RELL1: variants seen among roughly 807,000 people sequenced by gnomAD.
RELL1 encodes the protein RELT-like protein 1.
Under a neutral mutation model 23.0 loss-of-function variants are expected in RELL1, and 10 were observed. The ratio of observed to expected loss-of-function variants is 0.43; its 90% CI spans 0.27 to 0.74. RELL1 has a LOEUF of 0.74. Ranked by LOEUF, RELL1 falls within the 30% of genes least tolerant of loss-of-function variation. RELL1 has a pLI of 0.19. For missense variants in RELL1, 315 were observed against 364.4 expected (o/e 0.86, Z 1.10); for synonymous variants, 146 against 146.8 (o/e 0.99, Z 0.04).
At chr4:37,594,258 A>T (rs1044996874) in intron 6 of RELL1, among the ~76,000 whole-genome samples, 1 of 152,202 alleles carries the variant, frequency 6.6e-6, no homozygotes, top group African/African-American at 2.4e-5. Flanking sequence ...TCTAACAGTG[A>T]GCTGTCTGAG....
chr4:37,604,872 CACACACATACACACAGACACACACACAG>C (rs1719135732), intron 6 of RELL1, among the ~76,000 whole-genome samples: 2 of 107,496 alleles, frequency 1.9e-5, no homozygotes, highest in Non-Finnish European at 3.8e-5. Context: ...CACAGACACA[CACACACATACACACAGACACACACACAG>C]ACACACACAC....
chr4:37,604,068 C>T (rs1434711846), intron 6 of RELL1, among the ~76,000 whole-genome samples: 1 of 152,134 alleles, frequency 6.6e-6, no homozygotes, highest in African/African-American at 2.4e-5. Context: ...GCAATCTGCC[C>T]ACCTTGGCCT....
At chr4:37,618,564 G>A (rs1178985237) in intron 6 of RELL1, among the ~76,000 whole-genome samples, 1 of 151,996 alleles carries the variant, frequency 6.6e-6, no homozygotes, top group Admixed American at 6.6e-5. Flanking sequence ...GCATTTGCAG[G>A]CCATTATGAA....
intron 1 of RELL1, among the ~76,000 whole-genome samples, chr4:37,660,857 C>T (rs1032707543): frequency 4.6e-5 from 7 of 152,070 alleles, no homozygotes; most frequent in Non-Finnish European, 8.8e-5. Flanking sequence ...CGGTGAAACC[C>T]CGTCTCTACT....
intron 6 of RELL1, among the ~76,000 whole-genome samples, chr4:37,594,379 C>T (rs539110880): frequency 3.0e-4 from 45 of 152,272 alleles, no homozygotes; most frequent in African/African-American, 1.1e-3. Flanking sequence ...TATGAAAGCA[C>T]AATGCACTCT....
chr4:37,664,421 A>T (rs1389202825), intron 1 of RELL1, among the ~76,000 whole-genome samples: 1 of 152,076 alleles, frequency 6.6e-6, no homozygotes, highest in African/African-American at 2.4e-5. Flanking sequence ...CTCCCTCTAT[A>T]ACTATCATAA....
intron 6 of RELL1, among the ~76,000 whole-genome samples, chr4:37,598,418 T>C (rs919052371): frequency 6.6e-6 from 1 of 152,080 alleles, no homozygotes; most frequent in Non-Finnish European, 1.5e-5. Flanking sequence ...TTTGGTATTT[T>C]GTTGTTGTTT....
chr4:37,626,042 G>T (rs1158573016), intron 6 of RELL1, among the ~76,000 whole-genome samples: 1 of 152,020 alleles, frequency 6.6e-6, no homozygotes, highest in African/African-American at 2.4e-5. Flanking sequence ...ACTATAATGA[G>T]ATAATACCTC....
At chr4:37,593,807 G>A (rs1275151460) in intron 6 of RELL1, among the ~76,000 whole-genome samples, 2 of 152,176 alleles carry the variant, frequency 1.3e-5, no homozygotes, top group African/African-American at 4.8e-5. Context: ...CATTCAGTGT[G>A]ACACCAAAGG....
intron 1 of RELL1, among the ~76,000 whole-genome samples, chr4:37,652,515 A>G (rs950728629): frequency 6.6e-6 from 1 of 152,226 alleles, no homozygotes; most frequent in Non-Finnish European, 1.5e-5. Flanking sequence ...CCACGCAACA[A>G]GAATAGGTGA....
At chr4:37,657,144 A>G (rs17495384) in intron 1 of RELL1, among the ~76,000 whole-genome samples, 1 of 152,228 alleles carries the variant, frequency 6.6e-6, no homozygotes, top group Non-Finnish European at 1.5e-5. Flanking sequence ...TAGTTTCCTG[A>G]AGTAAACATT....
At chr4:37,661,998 C>T (rs1721373341) in intron 1 of RELL1, among the ~76,000 whole-genome samples, 1 of 152,114 alleles carries the variant, frequency 6.6e-6, no homozygotes, top group Admixed American at 6.5e-5. Flanking sequence ...TCCACCCACC[C>T]ATGAAACAAA....
intron 6 of RELL1, among the ~76,000 whole-genome samples, chr4:37,622,543 A>G (rs1281897690): frequency 1.3e-5 from 2 of 152,224 alleles, no homozygotes; most frequent in Non-Finnish European, 2.9e-5. Context: ...AATATCCAAT[A>G]CACTGGAGAC....
chr4:37,664,709 C>T (rs914061725), intron 1 of RELL1, among the ~76,000 whole-genome samples: 4 of 152,100 alleles, frequency 2.6e-5, no homozygotes, highest in African/African-American at 9.7e-5. Flanking sequence ...AATGCACTTT[C>T]ACATTCATTC....
chr4:37,668,978 G>A (rs1273257604), intron 1 of RELL1, among the ~76,000 whole-genome samples: 3 of 150,082 alleles, frequency 2.0e-5, no homozygotes, highest in East Asian at 2.0e-4. Flanking sequence ...CCCTCTGCCC[G>A]GCCAGCCGCC....
intron 6 of RELL1, among the ~76,000 whole-genome samples, chr4:37,628,157 G>C (rs1720013653): frequency 6.6e-6 from 1 of 152,152 alleles, no homozygotes. Context: ...GGGGTAATCA[G>C]ATAGGGCCAC....
chr4:37,615,437 T>C (rs1719543796), intron 6 of RELL1, among the ~76,000 whole-genome samples: 1 of 152,226 alleles, frequency 6.6e-6, no homozygotes, highest in South Asian at 2.1e-4. Context: ...AGGTATTTCT[T>C]TAACCCAGAA....
intron 1 of RELL1, among the ~76,000 whole-genome samples, chr4:37,657,650 AG>A (rs1469947344): frequency 1.3e-5 from 2 of 152,182 alleles, no homozygotes; most frequent in Non-Finnish European, 2.9e-5. Flanking sequence ...TAACATAAAA[AG>A]CAAGGCCTGG....
chr4:37,638,183 T>C (rs1454375582), intron 4 of RELL1, among the ~76,000 whole-genome samples: 1 of 152,188 alleles, frequency 6.6e-6, no homozygotes, highest in African/African-American at 2.4e-5. Flanking sequence ...ACATTGACAA[T>C]GTGTGGAGAC....
Sources: gnomAD v4.1 joint callset for allele counts (sites outside exome capture counted in the v4.1 genomes callset) on GRCh38, gnomAD v4.1.1 for gene constraint, MANE v1.5 for transcripts, NCBI Gene and HGNC (gene_info 2026-07-23, HGNC 2026-07-21) for gene names.